Variants in SLAMF9 observed in about 807,000 individuals in gnomAD.
SLAMF9 encodes CD2 family member 10.
In SLAMF9, 25 loss-of-function variants were observed where a neutral mutation model predicts 30.4. The ratio of observed to expected loss-of-function variants is 0.82; its 90% CI spans 0.60 to 1.15. The LOEUF (loss-of-function observed/expected upper bound fraction) is 1.15, where lower values mean the gene tolerates loss of function less well. Ranked by LOEUF, SLAMF9 falls within the 50% of genes most tolerant of loss-of-function variation. SLAMF9 has a pLI of 0.00. For synonymous variants in SLAMF9, 129 were observed against 127.2 expected, an observed-to-expected ratio of 1.01 and a Z score of -0.09; for missense variants, 344 against 346.1, an observed-to-expected ratio of 0.99 and a Z score of 0.05.
the SLAMF9 span, among the ~76,000 whole-genome samples, chr1:159,979,592 T>C: frequency 1.3e-5 from 2 of 152,106 alleles, no homozygotes; most frequent in Non-Finnish European, 2.9e-5. Context: ...AAATATTTTC[T>C]TGACTGGAAG....
the SLAMF9 span, chr1:159,976,921 A>AAAG: frequency 2.7e-3 from 2 of 746 alleles, no homozygotes; most frequent in South Asian, 0.25. Flanking sequence ...AAAAAGAAAG[A>AAAG]AAGAAAGAAA....
chr1:159,970,774 C>T, the SLAMF9 span, among the ~76,000 whole-genome samples: 1 of 152,186 alleles, frequency 6.6e-6, no homozygotes, highest in Admixed American at 6.5e-5. Flanking sequence ...CTGATACCAA[C>T]TGCAAGTTCA....
At chr1:159,953,243 C>T (rs1651822852) in intron 2 of SLAMF9, 66 bp downstream of exon 2, 2 of 1,381,516 alleles carry the variant, frequency 1.4e-6, no homozygotes, top group Admixed American at 1.9e-5. Context: ...GAGACGCCCA[C>T]TCCATGGTGT....
chr1:159,958,280 T>C (rs915699626), upstream of SLAMF9, among the ~76,000 whole-genome samples: 1 of 152,188 alleles, frequency 6.6e-6, no homozygotes, highest in Non-Finnish European at 1.5e-5. Flanking sequence ...GTGAGTATGC[T>C]GATAGCCAGA....
upstream of SLAMF9, among the ~76,000 whole-genome samples, chr1:159,958,241 C>G (rs1414042155): frequency 6.6e-6 from 1 of 152,216 alleles, no homozygotes; most frequent in Non-Finnish European, 1.5e-5. Flanking sequence ...AATGTGTTTA[C>G]TCTTGAAGGG....
the SLAMF9 span, among the ~76,000 whole-genome samples, chr1:159,962,665 G>A: frequency 1.3e-5 from 2 of 152,202 alleles, no homozygotes; most frequent in African/African-American, 4.8e-5. Flanking sequence ...GTTTGTATGA[G>A]ACAAGCAGTT....
chr1:159,960,684 G>A, the SLAMF9 span, among the ~76,000 whole-genome samples: 19 of 152,136 alleles, frequency 1.2e-4, no homozygotes, highest in South Asian at 3.3e-3. Flanking sequence ...TTGAACTCCC[G>A]ACCTCGTGAT....
chr1:159,957,258 G>A (rs1266055315), upstream of SLAMF9, among the ~76,000 whole-genome samples: 1 of 151,760 alleles, frequency 6.6e-6, no homozygotes, highest in Non-Finnish European at 1.5e-5. Context: ...CAGTCAGATA[G>A]GAGGAATAAG....
upstream of SLAMF9, among the ~76,000 whole-genome samples, chr1:159,957,146 A>AG (rs1458229503): frequency 6.7e-6 from 1 of 150,106 alleles, no homozygotes; most frequent in Non-Finnish European, 1.5e-5. Context: ...AAGACAAAAA[A>AG]AAAAAAAAGA....
At chr1:159,973,154 G>T in the SLAMF9 span, 1 of 1,537,894 alleles carries the variant, frequency 6.5e-7, no homozygotes, top group Non-Finnish European at 9.0e-7. Flanking sequence ...CATCCTTGTG[G>T]AAGGAGAAAA....
chr1:159,965,183 T>C, the SLAMF9 span, among the ~76,000 whole-genome samples: 1 of 152,236 alleles, frequency 6.6e-6, no homozygotes, highest in Non-Finnish European at 1.5e-5. Context: ...GCTTACATTA[T>C]TGTCAGAGTC....
chr1:159,981,922 A>G, the SLAMF9 span, among the ~76,000 whole-genome samples: 1 of 152,202 alleles, frequency 6.6e-6, no homozygotes, highest in South Asian at 2.1e-4. Context: ...TCCTCTTCCC[A>G]GCCTGCTCTC....
At chr1:159,964,092 A>G in the SLAMF9 span, among the ~76,000 whole-genome samples, 1 of 152,050 alleles carries the variant, frequency 6.6e-6, no homozygotes, top group African/African-American at 2.4e-5. Context: ...AAAGACAGAA[A>G]CACTGATTTG....
the SLAMF9 span, chr1:159,972,791 A>T: frequency 4.2e-6 from 3 of 713,530 alleles, no homozygotes; most frequent in African/African-American, 1.8e-5. Context: ...CTTCCACAGC[A>T]GGGTCAGCGG....
In SLAMF9 at chr1:159,951,509, G is replaced by A. The variant is rs184005867; in HGVS notation, c.*152C>T. On this transcript the variant is annotated 3_prime_UTR_variant, in exon 4 of 4. Transcript: ENST00000368093. ...CTGCAGAGTTGTGGTCACTTAATTT[G>A]ACTTTATTGCCAGCCAGTCTTCCCT... The A allele has an allele frequency of 4.9e-3, 3,352 of 680,454 alleles. 21 individuals are homozygous for A. The highest frequency in any genetic ancestry group is 6.9e-3 in the Non-Finnish European group (2,819 of 407,612). 42.2% of individuals were successfully genotyped at this position (680,454 alleles called of 1,614,324 possible). A position where few individuals can be genotyped will look rare whatever the true frequency, so the allele number is the denominator to read the frequency against.
chr1:159,968,331 T>C, the SLAMF9 span, among the ~76,000 whole-genome samples: 7 of 152,210 alleles, frequency 4.6e-5, no homozygotes, highest in African/African-American at 1.7e-4. Flanking sequence ...TGTAATTCTT[T>C]AGGGATAGCG....
the SLAMF9 span, among the ~76,000 whole-genome samples, chr1:159,960,129 AG>A: frequency 9.3e-5 from 14 of 150,994 alleles, no homozygotes; most frequent in Non-Finnish European, 1.9e-4. Flanking sequence ...CTCGTCATTT[AG>A]CATTAGGTAT....
the SLAMF9 span, among the ~76,000 whole-genome samples, chr1:159,962,132 T>C: frequency 1.8e-4 from 27 of 150,298 alleles, no homozygotes; most frequent in African/African-American, 6.6e-4. Flanking sequence ...TACTCCAGCC[T>C]GGGGACAGAG....
the SLAMF9 span, among the ~76,000 whole-genome samples, chr1:159,963,243 A>G: frequency 6.6e-6 from 1 of 152,232 alleles, no homozygotes; most frequent in Non-Finnish European, 1.5e-5. Context: ...TTAAGCATAA[A>G]GACAGTGGGC....
Sources: gnomAD v4.1 joint callset for allele counts (sites outside exome capture counted in the v4.1 genomes callset) on GRCh38, gnomAD v4.1.1 for gene constraint, MANE v1.5 for transcripts, NCBI Gene and HGNC (gene_info 2026-07-23, HGNC 2026-07-21) for gene names.